DYM: variants seen among roughly 807,000 people sequenced by gnomAD.
The protein encoded by DYM is dyggve-Melchior-Clausen syndrome protein.
Under a neutral mutation model 93.1 loss-of-function variants are expected in DYM, and 78 were observed. The observed-to-expected ratio is 0.84, with a 90% confidence interval of 0.70 to 1.01. The LOEUF is 1.01. Ranked by LOEUF, DYM falls within the 50% of genes least tolerant of loss-of-function variation. The pLI is 0.00. For missense variants in DYM, 789 were observed against 845.0 expected (o/e 0.93, Z 0.82); for synonymous variants, 321 against 319.7 (o/e 1.00, Z -0.04).
In DYM at chr18:49,122,425, T is replaced by C. The variant is rs191967484; in HGVS notation, c.1729-3499A>G. Among the ~76,000 whole-genome samples the C allele has an allele frequency of 1.6e-3, 238 of 152,164 alleles. 3 individuals carry two copies. The highest frequency in any genetic ancestry group is 6.4e-3 in the Admixed American group (98 of 15,274). On this transcript the variant is annotated intron_variant, in intron 15 of 17. Coordinates refer to ENST00000675505, the MANE Select transcript of DYM (RefSeq NM_001353214.3). ...TAGTGACCATCTCCCTGAATGGGAG[T>C]GCAAACCCTCTTGTGAACTGCACGT...
intron 16 of DYM, among the ~76,000 whole-genome samples, chr18:49,113,398 A>G (rs1355843593): frequency 2.0e-5 from 3 of 152,146 alleles, no homozygotes; most frequent in Admixed American, 1.3e-4. Context: ...ATATCACCTT[A>G]TGTTTTAGAT....
At chr18:49,414,634 C>G (rs1460398021) in intron 2 of DYM, among the ~76,000 whole-genome samples, 1 of 152,162 alleles carries the variant, frequency 6.6e-6, no homozygotes, top group Non-Finnish European at 1.5e-5. Flanking sequence ...TCTTTACACT[C>G]GCTGCCCCTC....
intron 6 of DYM, among the ~76,000 whole-genome samples, chr18:49,358,993 T>C (rs1281232417): frequency 1.3e-5 from 2 of 152,200 alleles, no homozygotes; most frequent in African/African-American, 4.8e-5. Flanking sequence ...TGGCCACACC[T>C]GACTCCACCA....
At chr18:49,111,210 C>A (rs1187427617) in intron 16 of DYM, among the ~76,000 whole-genome samples, 1 of 151,638 alleles carries the variant, frequency 6.6e-6, no homozygotes, top group Non-Finnish European at 1.5e-5. Flanking sequence ...TTTTAAACAA[C>A]CCTTTAAAAA....
intron 1 of DYM, among the ~76,000 whole-genome samples, chr18:49,443,114 C>T (rs537032435): frequency 4.3e-4 from 65 of 152,104 alleles, no homozygotes; most frequent in African/African-American, 1.5e-3. Context: ...TCCCAAAATG[C>T]CGGGATTATA....
At chr18:49,227,035 C>T (rs1489497174) in intron 13 of DYM, among the ~76,000 whole-genome samples, 1 of 152,130 alleles carries the variant, frequency 6.6e-6, no homozygotes, top group Non-Finnish European at 1.5e-5. Flanking sequence ...TCAGTCCACA[C>T]CCATCTGTCT....
Position 49,180,223 on chromosome 18 carries a change from G to T in DYM, c.1626-16436C>A, listed in dbSNP as rs558472178. On this transcript the variant is annotated intron_variant, in intron 14 of 17. Coordinates refer to ENST00000675505, the MANE Select transcript of DYM (RefSeq NM_001353214.3). The stretch of plus-strand genomic sequence containing the variant: ...AAGGAAGACTTTTTTCTTGATAAGA[G>T]ATATAAATTATTATCTAAATCATGG... Among the ~76,000 whole-genome samples the T allele has an allele frequency of 2.0e-5, 3 of 152,192 alleles. No homozygotes were observed. The South Asian group carries it at 6.2e-4, about 32-fold the overall frequency.
At chr18:49,303,766 T>C (rs1323269408) in intron 8 of DYM, among the ~76,000 whole-genome samples, 3 of 152,264 alleles carry the variant, frequency 2.0e-5, no homozygotes, top group Non-Finnish European at 4.4e-5. Flanking sequence ...AAAGTATGTA[T>C]CTTTCATTTT....
At chr18:49,140,969 T>A (rs991421500) in intron 15 of DYM, among the ~76,000 whole-genome samples, 5 of 152,232 alleles carry the variant, frequency 3.3e-5, no homozygotes, top group Non-Finnish European at 7.3e-5. Context: ...ATCTTCCATG[T>A]ATAGTTGTTC....
intron 15 of DYM, among the ~76,000 whole-genome samples, chr18:49,149,312 G>A (rs572441043): frequency 6.6e-6 from 1 of 152,040 alleles, no homozygotes; most frequent in African/African-American, 2.4e-5. Context: ...GACCATACTG[G>A]TCCATGAGAA....
intron 15 of DYM, among the ~76,000 whole-genome samples, chr18:49,139,227 G>C (rs573528684): frequency 6.6e-6 from 1 of 152,164 alleles, no homozygotes; most frequent in Admixed American, 6.5e-5. Flanking sequence ...ACTTAAAACA[G>C]AAAAAGAGCA....
At chr18:49,088,091 T>G (rs1199055979) in intron 17 of DYM, among the ~76,000 whole-genome samples, 1 of 152,134 alleles carries the variant, frequency 6.6e-6, no homozygotes, top group African/African-American at 2.4e-5. Context: ...TGGTAGTTTC[T>G]TTTGCTGTGC....
chr18:49,097,469 A>C lies in DYM; in HGVS notation c.1958T>G (p.Leu653Arg). 1 of 1,614,082 alleles carries C rather than the reference A, an allele frequency of 6.2e-7. No individual in the cohort carries two copies. ...GATTTCCAGGACCCGTTCCACTGAC[A>C]GCTCAGCTCCAGCTTGCAGCAACCT... ...SSRLLQAGAE[L>R]SVERVLEIIK... is the part of the protein sequence containing the mutation. The change falls in exon 17 of 18, where the codon CTG becomes CGG. Residue 653 changes from leucine (L) to arginine (R), a missense_variant. By Grantham distance (102) the Leu-to-Arg change is moderately radical (BLOSUM62 -2). Coordinates refer to ENST00000675505, the MANE Select transcript of DYM (RefSeq NM_001353214.3).
intron 9 of DYM, among the ~76,000 whole-genome samples, chr18:49,285,717 G>A (rs1347354103): frequency 2.0e-5 from 3 of 151,990 alleles, no homozygotes; most frequent in Non-Finnish European, 4.4e-5. Flanking sequence ...ATGGAACACA[G>A]CCCTGCTGTT....
rs773893296 is a variant in DYM, at chr18:49,097,429, G to A, written c.1998C>T (p.Val666=). The A allele has an allele frequency of 2.1e-5, 34 of 1,613,894 alleles. No individual in the cohort carries two copies. In the South Asian group the frequency reaches 3.0e-4, roughly 14 times the overall value. ...ERVLEIIKQG[V]VALPKDRLKK... is the part of the protein sequence containing the mutation. ...TCAGTCTGTCTTTGGGCAGCGCAACGACGCCTTGCTTAATGATTTCCAGGA... is the reference window on the plus strand; with the variant it reads ...TCAGTCTGTCTTTGGGCAGCGCAACAACGCCTTGCTTAATGATTTCCAGGA... Residue 666 remains valine, a synonymous_variant, in exon 17 of 18, where the codon GTC becomes GTT. Coordinates refer to ENST00000675505, the MANE Select transcript of DYM (RefSeq NM_001353214.3).
chr18:49,163,564 T>C (rs1600254973), intron 15 of DYM, 121 bp downstream of exon 15: 1 of 675,476 alleles, frequency 1.5e-6, no homozygotes, highest in African/African-American at 1.8e-5. Flanking sequence ...CAGGCTGGTC[T>C]TGAACTCCCG....
chr18:49,247,651 T>G (rs1440241540), intron 13 of DYM, among the ~76,000 whole-genome samples: 1 of 152,242 alleles, frequency 6.6e-6, no homozygotes, highest in East Asian at 1.9e-4. Flanking sequence ...GATAAACATA[T>G]GACATGTTTC....
At chr18:49,228,160 C>T (rs924403491) in intron 13 of DYM, among the ~76,000 whole-genome samples, 2 of 152,090 alleles carry the variant, frequency 1.3e-5, no homozygotes, top group African/African-American at 2.4e-5. Flanking sequence ...CATAAGAAAC[C>T]ACCATATTTA....
At chr18:49,134,933 C>T (rs2083692104) in intron 15 of DYM, among the ~76,000 whole-genome samples, 1 of 151,976 alleles carries the variant, frequency 6.6e-6, no homozygotes, top group Admixed American at 6.6e-5. Context: ...ATGGTGAAAC[C>T]CCATCTCTAC....
Sources: gnomAD v4.1 joint callset for allele counts (sites outside exome capture counted in the v4.1 genomes callset) on GRCh38, gnomAD v4.1.1 for gene constraint, MANE v1.5 for transcripts, NCBI Gene and HGNC (gene_info 2026-07-23, HGNC 2026-07-21) for gene names.